The following GRAMD1B variants were observed in gnomAD, a reference collection of about 807,000 sequenced individuals.
The protein encoded by GRAMD1B is GRAM domain containing 1B.
In GRAMD1B, 37 loss-of-function variants were observed where a neutral mutation model predicts 99.7. The observed-to-expected ratio is 0.37, with a 90% CI of 0.29 to 0.49. GRAMD1B has a LOEUF of 0.49. Among genes scored for constraint, GRAMD1B ranks in the 20% least tolerant of loss-of-function variants. GRAMD1B has a pLI of 0.98. For synonymous variants in GRAMD1B, 427 were observed against 387.6 expected (o/e 1.10, Z -1.19); for missense variants, 888 against 1,009.2 (o/e 0.88, Z 1.63).
At chr11:123,465,088 G>A (rs537745478) in intron 1 of GRAMD1B, among the ~76,000 whole-genome samples, 6 of 152,178 alleles carry the variant, frequency 3.9e-5, no homozygotes, top group Non-Finnish European at 8.8e-5. Context: ...AGGTTTGGGA[G>A]TGAACATGTG....
At chr11:123,359,573 G>A (rs1946069717) in intron 1 of GRAMD1B, among the ~76,000 whole-genome samples, 1 of 151,978 alleles carries the variant, frequency 6.6e-6, no homozygotes. Flanking sequence ...ATATGCAGGC[G>A]CCAAGGTAAC....
intron 2 of GRAMD1B, among the ~76,000 whole-genome samples, chr11:123,524,952 C>T (rs1942558752): frequency 6.6e-6 from 1 of 152,180 alleles, no homozygotes; most frequent in South Asian, 2.1e-4. Context: ...AGGCCCCAGC[C>T]TGGAGGATCT....
chr11:123,589,637 T>TATATATA (rs1565424189), intron 4 of GRAMD1B, among the ~76,000 whole-genome samples: 6 of 147,340 alleles, frequency 4.1e-5, no homozygotes, highest in East Asian at 2.0e-4. Flanking sequence ...TATATATATA[T>TATATATA]TTGTAGTAGA....
chr11:123,599,164 TC>T, intron 7 of GRAMD1B: 1 of 782,778 alleles, frequency 1.3e-6, no homozygotes, highest in South Asian at 1.3e-5. Flanking sequence ...TTTGGGTGCT[TC>T]CGGTGGAATT....
intron 2 of GRAMD1B, among the ~76,000 whole-genome samples, chr11:123,544,779 A>G (rs1944897932): frequency 6.6e-6 from 1 of 152,208 alleles, no homozygotes; most frequent in Admixed American, 6.5e-5. Flanking sequence ...CCGGGCCCCA[A>G]AGTGCCAAAA....
intron 1 of GRAMD1B, among the ~76,000 whole-genome samples, chr11:123,385,169 G>T (rs1019906010): frequency 1.3e-5 from 2 of 152,164 alleles, no homozygotes; most frequent in African/African-American, 4.8e-5. Context: ...TTCTGGTATT[G>T]TGGGAGAGAA....
intron 4 of GRAMD1B, among the ~76,000 whole-genome samples, chr11:123,589,203 T>C (rs1454888111): frequency 6.6e-6 from 1 of 151,668 alleles, no homozygotes; most frequent in Non-Finnish European, 1.5e-5. Flanking sequence ...CCTTGAAACA[T>C]ATCACGGCAA....
At chr11:123,460,856 C>T (rs928436117) in intron 1 of GRAMD1B, among the ~76,000 whole-genome samples, 17 of 152,168 alleles carry the variant, frequency 1.1e-4, no homozygotes, top group African/African-American at 2.7e-4. Flanking sequence ...CCTGCTCCTA[C>T]GTTTCCTTTG....
chr11:123,430,897 C>G lies in GRAMD1B; in HGVS notation c.105C>G (p.Thr35=). 1 of 702,610 alleles carries G rather than the reference C, an allele frequency of 1.4e-6. No homozygotes were observed. 43.5% of individuals were successfully genotyped at this position (702,610 alleles called of 1,614,324 possible). A position where few individuals can be genotyped will look rare whatever the true frequency, so the allele number is the denominator to read the frequency against. ...EGSPVWSSSS[T]PTLRRRRFKM... ...GCCCGGTCTGGTCCAGTTCGTCGAC[C>G]CCCACGCTTCGCCGCCGGCGCTTCA... The change falls in exon 1 of 20, where the codon ACC becomes ACG. Residue 35 remains threonine (T), a synonymous_variant. Coordinates refer to ENST00000635736, the MANE Select transcript of GRAMD1B (RefSeq NM_001387025.1).
intron 1 of GRAMD1B, among the ~76,000 whole-genome samples, chr11:123,380,048 G>C (rs1946820854): frequency 6.6e-6 from 1 of 152,110 alleles, no homozygotes; most frequent in African/African-American, 2.4e-5. Context: ...TTGTTATTGA[G>C]TTATAGTTCT....
intron 2 of GRAMD1B, among the ~76,000 whole-genome samples, chr11:123,546,690 T>G (rs73027953): frequency 0.095 from 14,527 of 152,268 alleles, 829 homozygotes; most frequent in East Asian, 0.28. Context: ...GATCCTGATA[T>G]CAGGGGTTTT....
At chr11:123,382,303 G>A (rs1946905197) in intron 1 of GRAMD1B, among the ~76,000 whole-genome samples, 1 of 152,162 alleles carries the variant, frequency 6.6e-6, no homozygotes, top group Non-Finnish European at 1.5e-5. Flanking sequence ...TTGAACCTGA[G>A]CCTAACTGTG....
At chr11:123,373,661 G>A (rs560742809) in intron 1 of GRAMD1B, among the ~76,000 whole-genome samples, 5 of 152,308 alleles carry the variant, frequency 3.3e-5, no homozygotes, top group Admixed American at 2.6e-4. Flanking sequence ...ACTTAGGTGG[G>A]AGAAGGTTAT....
Position 123,431,106 on chromosome 11 carries a change from A to G in GRAMD1B, c.314A>G (p.Lys105Arg). The G allele has an allele frequency of 1.4e-6, 1 of 702,982 alleles. No individual in the cohort carries two copies. Among genetic ancestry groups the G allele is most frequent in the Non-Finnish European group, 2.6e-6 (1 of 384,980 alleles). 43.5% of individuals were successfully genotyped at this position (702,982 alleles called of 1,614,324 possible). The change falls in exon 1 of 20, where the codon AAA becomes AGA. Residue 105 changes from lysine to arginine, a missense_variant. Transcript: ENST00000635736. ...CSTPSASPRR[K>R]RFLLRKWLRV... ...ACACCCAGCGCGTCCCCGCGCCGAA[A>G]ACGCTTCCTCCTCCGCAAGTGGCTG...
At chr11:123,432,580 C>T (rs1259784719) in intron 1 of GRAMD1B, among the ~76,000 whole-genome samples, 1 of 148,148 alleles carries the variant, frequency 6.8e-6, no homozygotes. Context: ...AAATTGAAGA[C>T]CTGTGGGAGC....
intron 1 of GRAMD1B, among the ~76,000 whole-genome samples, chr11:123,369,730 G>A (rs931411709): frequency 2.6e-5 from 4 of 151,530 alleles, no homozygotes; most frequent in Non-Finnish European, 5.9e-5. Context: ...AAATTAGCTG[G>A]GTGTGCTGGT....
chr11:123,442,599 G>A (rs1398001109), intron 1 of GRAMD1B, among the ~76,000 whole-genome samples: 1 of 152,114 alleles, frequency 6.6e-6, no homozygotes, highest in Non-Finnish European at 1.5e-5. Flanking sequence ...GCAAAACCCC[G>A]TCTCTACTAA....
chr11:123,625,915 A>AGG lies in GRAMD1B; in HGVS notation c.*3322_*3323dup, dbSNP rs1469904355. ...AAAATTTATTCTTTAGGTGGCTAGG[A>AGG]GGGCTGGGGAGGCCCAGTGGAAGAG... is the stretch of plus-strand genomic sequence containing the variant. On this transcript the variant is annotated 3_prime_UTR_variant, in exon 20 of 20. Transcript: ENST00000635736. 1 of 126,792 alleles carries AGG rather than the reference A, an allele frequency of 7.9e-6. No individual in the cohort carries two copies. Among genetic ancestry groups the AGG allele is most frequent in the Non-Finnish European group, 1.7e-5 (1 of 60,228 alleles). 7.9% of individuals were successfully genotyped at this position (126,792 alleles called of 1,614,324 possible). A position where few individuals can be genotyped will look rare whatever the true frequency, so the allele number is the denominator to read the frequency against.
At chr11:123,542,842 C>T (rs1380920614) in intron 2 of GRAMD1B, among the ~76,000 whole-genome samples, 12 of 152,036 alleles carry the variant, frequency 7.9e-5, no homozygotes, top group African/African-American at 2.2e-4. Flanking sequence ...CCAGTAAAGA[C>T]GGGGTTTCAC....
Sources: allele counts gnomAD v4.1 joint callset (sites outside exome capture counted in the v4.1 genomes callset), GRCh38; gene constraint gnomAD v4.1.1; transcripts MANE v1.5; gene names NCBI Gene and HGNC (gene_info 2026-07-23, HGNC 2026-07-21).